The following BBS9 variants were observed in gnomAD, a reference collection of about 807,000 sequenced individuals.
BBS9 encodes the protein protein PTHB1.
In BBS9, 89 loss-of-function variants were observed where a neutral mutation model predicts 117.7. That is an observed-to-expected ratio of 0.76 (90% CI 0.64 to 0.90). BBS9 has a LOEUF of 0.90. Among genes scored for constraint, BBS9 ranks in the 40% least tolerant of loss-of-function variants. The probability of loss-of-function intolerance (pLI) is 0.00; values close to 1 mark genes in which losing one functional copy is unlikely to be tolerated. For synonymous variants in BBS9, 379 were observed against 370.9 expected, an observed-to-expected ratio of 1.02 and a Z score of -0.25; for missense variants, 982 against 1,042.2, an observed-to-expected ratio of 0.94 and a Z score of 0.80.
intron 9 of BBS9, among the ~76,000 whole-genome samples, chr7:33,335,548 A>G (rs1815172121): frequency 6.6e-6 from 1 of 152,170 alleles, no homozygotes; most frequent in Non-Finnish European, 1.5e-5. Context: ...GGAGGAAGCA[A>G]ATACAGTATT....
chr7:33,555,347 C>T (rs1563353663), intron 21 of BBS9, among the ~76,000 whole-genome samples: 1 of 152,186 alleles, frequency 6.6e-6, no homozygotes, highest in African/African-American at 2.4e-5. Flanking sequence ...CTTATTCCTT[C>T]CTTACATTCA....
At position 33,480,400 on chromosome 7, in the gene BBS9, C is replaced by G. The variant is rs116766862; in HGVS notation, c.2116-25063C>G. The stretch of plus-strand genomic sequence containing the variant: ...TTAAATGGGGGAGAAAGACGTGTCC[C>G]CTAGAGTTAATTACAGTGCAAGAAA... On this transcript the variant is annotated intron_variant, in intron 19 of 22. Transcript: ENST00000242067. Among the ~76,000 whole-genome samples the G allele has an allele frequency of 1.7e-3, 259 of 152,046 alleles. 1 individual carries two copies. The highest frequency in any genetic ancestry group is 6.0e-3 in the African/African-American group (247 of 41,464).
intron 19 of BBS9, among the ~76,000 whole-genome samples, chr7:33,439,101 A>G (rs1835739718): frequency 6.6e-6 from 1 of 152,176 alleles, no homozygotes; most frequent in African/African-American, 2.4e-5. Flanking sequence ...TCAGCCCTAA[A>G]GCCTGGGGCC....
At chr7:33,634,064 C>T (rs1329469516) in intron 21 of BBS9, among the ~76,000 whole-genome samples, 1 of 152,238 alleles carries the variant, frequency 6.6e-6, no homozygotes, top group Non-Finnish European at 1.5e-5. Context: ...AATCTGGCCA[C>T]CCCGCCTCAG....
intron 21 of BBS9, among the ~76,000 whole-genome samples, chr7:33,628,156 C>A (rs1404375358): frequency 1.3e-5 from 2 of 152,076 alleles, no homozygotes. Context: ...ACATTTCCAC[C>A]TTTTTTTAAA....
Position 33,590,460 on chromosome 7 carries a change from T to TTTTTG in BBS9, c.2522-14401_2522-14400insGTTTT, listed in dbSNP as rs1554551704. 4.9e-4 allele frequency among the ~76,000 whole-genome samples: 36 copies of TTTTTG among 73,726 alleles called. No homozygotes were observed. In the East Asian group the frequency reaches 6.9e-3, roughly 14 times the overall value. The allele number at this position is 73,726 out of a possible 152,430, so 48.4% of individuals were successfully genotyped here. Reference sequence around the variant, plus strand: ...CACTGTTTGTTTTTTTGTTTTTTTGTTTTTTTTTTTTTTTTTTACCAGATC... The same window carrying TTTTTG: ...CACTGTTTGTTTTTTTGTTTTTTTGTTTTTGTTTTTTTTTTTTTTTTTACCAGATC... On this transcript the variant is annotated intron_variant, in intron 21 of 22. Coordinates refer to ENST00000242067, the MANE Select transcript of BBS9 (RefSeq NM_198428.3).
At chr7:33,444,373 A>C (rs896108056) in intron 19 of BBS9, among the ~76,000 whole-genome samples, 1 of 152,236 alleles carries the variant, frequency 6.6e-6, no homozygotes, top group Non-Finnish European at 1.5e-5. Flanking sequence ...GTTATTTTAC[A>C]TGATATAGAT....
At chr7:33,431,418 C>T (rs1237733262) in intron 19 of BBS9, among the ~76,000 whole-genome samples, 2 of 152,116 alleles carry the variant, frequency 1.3e-5, no homozygotes, top group Non-Finnish European at 2.9e-5. Flanking sequence ...TGTTTGTGCC[C>T]TTCCCACCAA....
chr7:33,559,627 G>T (rs1855795802), intron 21 of BBS9, among the ~76,000 whole-genome samples: 1 of 152,098 alleles, frequency 6.6e-6, no homozygotes, highest in East Asian at 1.9e-4. Flanking sequence ...CTGAAAAATC[G>T]CAGCCAAATA....
intron 9 of BBS9, among the ~76,000 whole-genome samples, chr7:33,292,578 A>G (rs1284192453): frequency 3.3e-5 from 5 of 152,124 alleles, no homozygotes; most frequent in Non-Finnish European, 7.4e-5. Context: ...TACTGTTTTT[A>G]TTATGTCAGG....
chr7:33,203,598 A>G (rs1188217380), intron 5 of BBS9, among the ~76,000 whole-genome samples: 1 of 152,200 alleles, frequency 6.6e-6, no homozygotes, highest in African/African-American at 2.4e-5. Flanking sequence ...TAATTCTCAT[A>G]TAGGAGCCAC....
chr7:33,373,928 C>T (rs1219102923), intron 17 of BBS9, among the ~76,000 whole-genome samples: 1 of 152,078 alleles, frequency 6.6e-6, no homozygotes, highest in African/African-American at 2.4e-5. Context: ...CTGTGTTATA[C>T]AAAGTACCTG....
intron 1 of BBS9, among the ~76,000 whole-genome samples, chr7:33,138,628 A>T (rs1406282942): frequency 4.6e-5 from 7 of 151,108 alleles, no homozygotes; most frequent in Non-Finnish European, 1.0e-4. Flanking sequence ...AGCAGGAGAA[A>T]CAATAATGAT....
chr7:33,259,676 G>C (rs981991162), intron 6 of BBS9, among the ~76,000 whole-genome samples: 2 of 151,870 alleles, frequency 1.3e-5, no homozygotes, highest in African/African-American at 4.8e-5. Context: ...CTCCTGGTCT[G>C]TTTGCCCTTT....
At chr7:33,608,182 A>G (rs2700676), downstream of BBS9, among the ~76,000 whole-genome samples, 55,407 of 151,834 alleles carry the variant, frequency 0.36, 13,412 homozygotes, top group African/African-American at 0.69. Flanking sequence ...TGCTTAGGAT[A>G]ATGGCCTCTA....
chr7:33,239,450 A>G (rs1794094395), intron 5 of BBS9, among the ~76,000 whole-genome samples: 1 of 151,684 alleles, frequency 6.6e-6, no homozygotes, highest in Non-Finnish European at 1.5e-5. Context: ...TTGCTCTGTC[A>G]CCAGGCTGGA....
chr7:33,504,285 C>T (rs112978723), intron 19 of BBS9, among the ~76,000 whole-genome samples: 3 of 152,256 alleles, frequency 2.0e-5, no homozygotes, highest in Admixed American at 6.5e-5. Flanking sequence ...GAATCTTGGT[C>T]GCCCCAGCAA....
chr7:33,289,207 A>G (rs931624344), intron 9 of BBS9, among the ~76,000 whole-genome samples: 1 of 152,204 alleles, frequency 6.6e-6, no homozygotes, highest in Non-Finnish European at 1.5e-5. Context: ...GTGGAAGCCT[A>G]AAACAAAAGT....
intron 21 of BBS9, among the ~76,000 whole-genome samples, chr7:33,554,071 G>C (rs1260795102): frequency 6.6e-6 from 1 of 152,022 alleles, no homozygotes. Flanking sequence ...GAAGTTAAAG[G>C]CCGGGAGGGG....
Sources: gnomAD v4.1 joint callset for allele counts (sites outside exome capture counted in the v4.1 genomes callset) on GRCh38, gnomAD v4.1.1 for gene constraint, MANE v1.5 for transcripts, NCBI Gene and HGNC (gene_info 2026-07-23, HGNC 2026-07-21) for gene names.